Variants in ELAC2 observed in about 807,000 individuals in gnomAD.
ELAC2 encodes the protein elaC ribonuclease Z 2.
ELAC2 carries 92 observed loss-of-function variants against 105.2 expected under a neutral mutation model. The observed-to-expected ratio is 0.87, with a 90% CI of 0.74 to 1.04. The LOEUF is 1.04. ELAC2 is among the 50% of genes least tolerant of loss of function. ELAC2 has a pLI of 0.00. For synonymous variants in ELAC2, 468 were observed against 409.1 expected, an observed-to-expected ratio of 1.14 and a Z score of -1.74; for missense variants, 1,099 against 1,071.7, an observed-to-expected ratio of 1.03 and a Z score of -0.36.
intron 15 of ELAC2, among the ~76,000 whole-genome samples, chr17:12,999,665 A>T (rs79027341): frequency 1.3e-5 from 2 of 150,390 alleles, no homozygotes; most frequent in Non-Finnish European, 3.0e-5. Flanking sequence ...AGGAATTGGG[A>T]TTTTTTTTTT....
rs371082064 is a variant in ELAC2 at position 12,991,778 on chromosome 17, T to TTGAG, written c.*1036_*1039dup. The TTGAG allele has an allele frequency of 4.7e-5, 10 of 213,764 alleles. No individual in the cohort carries two copies. Among genetic ancestry groups the TTGAG allele is most frequent in the Non-Finnish European group, 7.6e-5 (8 of 105,848 alleles). 13.2% of individuals were successfully genotyped at this position (213,764 alleles called of 1,614,324 possible). The stretch of plus-strand genomic sequence containing the variant: ...GGCTGATCTCTCGCTTGCTTGTCTT[T>TTGAG]TGAGTTTTTAAAGCTCTTCTTTTTA... On this transcript the variant is annotated 3_prime_UTR_variant, in exon 24 of 24. Coordinates refer to ENST00000338034, the MANE Select transcript of ELAC2 (RefSeq NM_018127.7).
chr17:13,017,812 G>C lies in ELAC2; in HGVS notation c.136C>G (p.Arg46Gly). The change falls in exon 1 of 24, where the codon CGC (arginine) becomes GGC (glycine). Residue 46 changes from arginine to glycine, a missense_variant. Coordinates refer to ENST00000338034, the MANE Select transcript of ELAC2 (RefSeq NM_018127.7). ...CCGCCGGAGCACCCCGACGGTCCGC[G>C]CTTCTCTCGCGTGCGCAGGTGCCGC... is the stretch of plus-strand genomic sequence containing the variant. The part of the protein sequence containing the change: ...PLRHLRTREK[R>G]GPSGCSGGPN... 6.2e-7 allele frequency: 1 copy of C among 1,601,562 alleles called. No homozygotes were observed. Among genetic ancestry groups the C allele is most frequent in the East Asian group, 2.3e-5 (1 of 44,390 alleles).
Position 13,002,505 on chromosome 17 carries a change from A to C in ELAC2, c.1154T>G (p.Ile385Ser). 1 of 1,607,006 alleles carries C rather than the reference A, an allele frequency of 6.2e-7. No homozygotes were observed. Among genetic ancestry groups the C allele is most frequent in the South Asian group, 1.1e-5 (1 of 89,902 alleles). The change falls in exon 13 of 24, where the codon ATT (isoleucine) becomes AGT (serine). Residue 385 changes from isoleucine to serine, a missense_variant. Transcript: ENST00000338034. Reference protein sequence around the residue: ...ASVHNLRSHKIQTQLNLIHPD... With the variant: ...ASVHNLRSHKSQTQLNLIHPD... ...GTGGATGAGGTTGAGCTGGGTTTGAATCTTGTGGCTGCGAAGGTTGTGAAC... is the reference window on the plus strand; with the variant it reads ...GTGGATGAGGTTGAGCTGGGTTTGACTCTTGTGGCTGCGAAGGTTGTGAAC...
Position 12,992,017 on chromosome 17 carries a change from T to C in ELAC2, c.*801A>G, listed in dbSNP as rs116931960. Among the ~76,000 whole-genome samples the C allele has an allele frequency of 0.019, 2,966 of 152,292 alleles. 110 individuals carry two copies. The highest frequency in any genetic ancestry group is 0.15 in the East Asian group (797 of 5,178). The stretch of plus-strand genomic sequence containing the variant: ...AAAGTGATCCTCACTCCTCTCAGTA[T>C]GGAAGCAACAACACAGCAAATCTAT... On this transcript the variant is annotated 3_prime_UTR_variant, in exon 24 of 24. Transcript: ENST00000338034.
chr17:13,014,830 A>G (rs565495724), intron 4 of ELAC2, among the ~76,000 whole-genome samples: 9 of 152,350 alleles, frequency 5.9e-5, no homozygotes, highest in Admixed American at 2.0e-4. Context: ...CTAGAGAAGA[A>G]GAGGCAGTTC....
chr17:13,001,896 A>C (rs558036506), intron 14 of ELAC2, among the ~76,000 whole-genome samples: 1 of 152,332 alleles, frequency 6.6e-6, no homozygotes, highest in East Asian at 1.9e-4. Context: ...GTTATCAATC[A>C]TTATCTCTGG....
At chr17:13,004,894 C>G (rs2041020353) in intron 11 of ELAC2, 95 bp downstream of exon 11, 1 of 1,012,286 alleles carries the variant, frequency 9.9e-7, no homozygotes, top group Non-Finnish European at 1.6e-6. Context: ...AGATAGTGGT[C>G]TTCCCAGAAA....
At position 13,014,878 on chromosome 17, in the gene ELAC2, A is replaced by G. The variant is rs559486675; in HGVS notation, c.433-382T>C. Among the ~76,000 whole-genome samples, 11 of 152,350 alleles carry G rather than the reference A, an allele frequency of 7.2e-5. No individual in the cohort carries two copies. The East Asian group carries it at 2.1e-3, about 29-fold the overall frequency. The stretch of plus-strand genomic sequence containing the variant: ...CCCTCTAGCTGAGCCCTGAAGGTTC[A>G]GTAACAATATAGGCAGCAATTAGAA... On this transcript the variant is annotated intron_variant, in intron 4 of 23. Coordinates refer to ENST00000338034, the MANE Select transcript of ELAC2 (RefSeq NM_018127.7).
intron 8 of ELAC2, among the ~76,000 whole-genome samples, chr17:13,007,296 T>C (rs1187092788): frequency 6.6e-6 from 1 of 152,212 alleles, no homozygotes; most frequent in Non-Finnish European, 1.5e-5. Context: ...CATTTTCTCC[T>C]TTAAATCTTC....
At chr17:13,012,897 G>T (rs1193495418) in intron 6 of ELAC2, among the ~76,000 whole-genome samples, 3 of 152,160 alleles carry the variant, frequency 2.0e-5, no homozygotes, top group Admixed American at 2.0e-4. Flanking sequence ...CTGATCAAAA[G>T]AGGGTATTAC....
intron 8 of ELAC2, among the ~76,000 whole-genome samples, chr17:13,009,097 T>C (rs564852086): frequency 3.9e-5 from 6 of 152,340 alleles, no homozygotes; most frequent in African/African-American, 1.4e-4. Context: ...TTTTAAAACT[T>C]TAAAAAATGA....
chr17:12,998,598 C>G, intron 15 of ELAC2, 90 bp from the exon 16 acceptor site: 1 of 1,240,220 alleles, frequency 8.1e-7, no homozygotes, highest in Non-Finnish European at 1.2e-6. Context: ...GTTTGAGTGT[C>G]ATTGGTTTGT....
At chr17:13,010,790 C>T (rs1008527143) in intron 7 of ELAC2, 119 bp from the exon 8 acceptor site, 176 of 913,038 alleles carry the variant, frequency 1.9e-4, no homozygotes, top group Non-Finnish European at 2.8e-4. Context: ...ACGCTACTGT[C>T]CCAATACAAA....
At position 13,017,888 on chromosome 17, in the gene ELAC2, G is replaced by A; in HGVS notation, c.60C>T (p.Arg20=). ...GGCGGGCGGGTGCCTGCGATATGGT[G>A]CGTCCCTGCGACATGGTGCGTCCGG... ...SAAGRTMSQG[R]TISQAPARRE... is the part of the protein sequence containing the mutation. Residue 20 remains arginine, a synonymous_variant, in exon 1 of 24, where the codon CGC becomes CGT. Transcript: ENST00000338034. 2 of 1,545,890 alleles carry A rather than the reference G, an allele frequency of 1.3e-6. No individual in the cohort carries two copies. Among genetic ancestry groups the A allele is most frequent in the Non-Finnish European group, 1.7e-6 (2 of 1,147,968 alleles).
intron 19 of ELAC2, 75 bp downstream of exon 19, chr17:12,995,628 A>G (rs1401061558): frequency 2.1e-6 from 3 of 1,395,876 alleles, no homozygotes; most frequent in Middle Eastern, 2.4e-4. Context: ...TAACTACCCC[A>G]GTGTCCACCT....
intron 9 of ELAC2, 34 bp downstream of exon 9, chr17:13,005,887 G>T: frequency 6.2e-7 from 1 of 1,614,096 alleles, no homozygotes; most frequent in East Asian, 2.2e-5. Context: ...GGTGTACCCA[G>T]TGAGTCCCCA....
intron 12 of ELAC2, 97 bp from the exon 13 acceptor site, chr17:13,002,676 G>A (rs1239532318): frequency 6.5e-7 from 1 of 1,532,464 alleles, no homozygotes; most frequent in Non-Finnish European, 8.8e-7. Context: ...AGGATGAGGT[G>A]TTCAAACAGT....
chr17:13,000,696 C>T, intron 14 of ELAC2: 1 of 259,778 alleles, frequency 3.8e-6, no homozygotes, highest in Non-Finnish European at 7.6e-6. Flanking sequence ...CTCTGAAACT[C>T]ATGTTCACAC....
At chr17:13,012,198 G>A (rs568708196) in intron 6 of ELAC2, among the ~76,000 whole-genome samples, 11 of 152,308 alleles carry the variant, frequency 7.2e-5, no homozygotes, top group African/African-American at 2.2e-4. Context: ...CAGCTGCAAC[G>A]AGAATGAACG....
Sources: gnomAD v4.1 joint callset for allele counts (sites outside exome capture counted in the v4.1 genomes callset) on GRCh38, gnomAD v4.1.1 for gene constraint, MANE v1.5 for transcripts, NCBI Gene and HGNC (gene_info 2026-07-23, HGNC 2026-07-21) for gene names.